Variants in ABCC1 observed in about 807,000 individuals in gnomAD.
The protein encoded by ABCC1 is multidrug resistance-associated protein 1.
ABCC1 carries 83 observed loss-of-function variants against 172.9 expected under a neutral mutation model. The observed-to-expected ratio is 0.48, with a 90% CI of 0.40 to 0.58. The LOEUF is 0.58. Among genes scored for constraint, ABCC1 ranks in the 20% least tolerant of loss-of-function variants. The probability of loss-of-function intolerance (pLI) is 0.00; values close to 1 mark genes in which losing one functional copy is unlikely to be tolerated. For synonymous variants in ABCC1, 937 were observed against 825.2 expected (o/e 1.14, Z -2.32); for missense variants, 1,817 against 2,002.7 (o/e 0.91, Z 1.77).
intron 11 of ABCC1, among the ~76,000 whole-genome samples, chr16:16,054,776 G>A (rs2049580336): frequency 6.6e-6 from 1 of 152,288 alleles, no homozygotes; most frequent in Non-Finnish European, 1.5e-5. Context: ...AATGATAAGA[G>A]TTCTTGTGAT....
intron 2 of ABCC1, among the ~76,000 whole-genome samples, chr16:16,008,304 C>T (rs1179310403): frequency 2.6e-5 from 4 of 152,008 alleles, no homozygotes; most frequent in East Asian, 2.0e-4. Flanking sequence ...AGCTCTTCCC[C>T]TCTTACTGAG....
intron 30 of ABCC1, among the ~76,000 whole-genome samples, chr16:16,139,078 T>C (rs1378170468): frequency 6.6e-6 from 1 of 152,200 alleles, no homozygotes; most frequent in Admixed American, 6.5e-5. Flanking sequence ...TCCCAGACAC[T>C]GGGGACTCTG....
rs533388027 is a variant in ABCC1, at chr16:16,045,851, C to T, written c.1056C>T (p.Phe352=). ...GPQILKLLIK[F]VNDTKAPDWQ... is the part of the protein sequence containing the mutation. Reference sequence around the variant, plus strand: ...TCCTTTGCAGGTTGCTCATCAAGTTCGTGAATGACACGAAGGCCCCAGACT... The same window carrying T: ...TCCTTTGCAGGTTGCTCATCAAGTTTGTGAATGACACGAAGGCCCCAGACT... Residue 352 remains phenylalanine, a synonymous_variant, in exon 9 of 31, where the codon TTC becomes TTT. Transcript: ENST00000399410. The T allele has an allele frequency of 6.0e-5, 97 of 1,614,096 alleles. No individual in the cohort carries two copies. The highest frequency in any genetic ancestry group is 1.0e-4 in the Admixed American group (6 of 60,014).
intron 26 of ABCC1, among the ~76,000 whole-genome samples, chr16:16,126,683 C>T (rs2045452512): frequency 6.6e-6 from 1 of 152,154 alleles, no homozygotes; most frequent in South Asian, 2.1e-4. Flanking sequence ...CTGCGCCTGG[C>T]CTGTTATGTA....
intron 19 of ABCC1, among the ~76,000 whole-genome samples, chr16:16,092,049 C>G (rs1176199537): frequency 2.0e-5 from 3 of 152,144 alleles, no homozygotes; most frequent in Non-Finnish European, 2.9e-5. Flanking sequence ...ACCAGCCTGG[C>G]CAACATGATG....
chr16:15,975,872 A>G (rs1004805582), intron 1 of ABCC1, among the ~76,000 whole-genome samples: 3 of 152,068 alleles, frequency 2.0e-5, no homozygotes, highest in Non-Finnish European at 2.9e-5. Flanking sequence ...TATTTGTTGA[A>G]TGAGTGTTTA....
intron 23 of ABCC1, among the ~76,000 whole-genome samples, chr16:16,121,609 A>G (rs1380014454): frequency 1.3e-5 from 2 of 152,202 alleles, no homozygotes; most frequent in Non-Finnish European, 2.9e-5. Flanking sequence ...CTTGCTAGCC[A>G]TGTGACCTTG....
chr16:16,022,334 C>T (rs562659099), intron 5 of ABCC1, among the ~76,000 whole-genome samples: 6 of 152,192 alleles, frequency 3.9e-5, no homozygotes, highest in African/African-American at 1.2e-4. Context: ...CTGGGGCTGC[C>T]GAGGCTTTTG....
chr16:15,962,144 G>GCT (rs1163739192), intron 1 of ABCC1, among the ~76,000 whole-genome samples: 1 of 152,198 alleles, frequency 6.6e-6, no homozygotes, highest in Non-Finnish European at 1.5e-5. Context: ...ATGTTGCTTG[G>GCT]CTGTGTGTGA....
At chr16:15,955,880 T>A (rs1467083940) in intron 1 of ABCC1, among the ~76,000 whole-genome samples, 3 of 152,212 alleles carry the variant, frequency 2.0e-5, no homozygotes, top group African/African-American at 7.2e-5. Flanking sequence ...CACCTAGAAC[T>A]GTGCCTGGGG....
At chr16:16,048,969 G>A (rs552553962) in intron 10 of ABCC1, among the ~76,000 whole-genome samples, 1 of 149,804 alleles carries the variant, frequency 6.7e-6, no homozygotes, top group East Asian at 1.9e-4. Context: ...GGCAACAAGA[G>A]TGAAACTCCA....
chr16:15,969,469 T>C (rs2046320401), intron 1 of ABCC1, among the ~76,000 whole-genome samples: 1 of 151,166 alleles, frequency 6.6e-6, no homozygotes, highest in Non-Finnish European at 1.5e-5. Context: ...TTTGCCAGGG[T>C]TCGAGTGATT....
chr16:16,021,248 C>T (rs1375520566), intron 5 of ABCC1, among the ~76,000 whole-genome samples: 1 of 151,706 alleles, frequency 6.6e-6, no homozygotes, highest in Non-Finnish European at 1.5e-5. Flanking sequence ...GTATTACCAG[C>T]AAGAAAGAGG....
intron 1 of ABCC1, among the ~76,000 whole-genome samples, chr16:15,997,647 G>A (rs971827058): frequency 1.3e-5 from 2 of 151,972 alleles, no homozygotes; most frequent in Admixed American, 1.3e-4. Flanking sequence ...CCAGGGAATC[G>A]TCCCTTCCTT....
At chr16:15,949,180 T>C (rs1186778859), upstream of ABCC1, among the ~76,000 whole-genome samples, 1 of 152,126 alleles carries the variant, frequency 6.6e-6, no homozygotes, top group African/African-American at 2.4e-5. Flanking sequence ...TCTCTGCACC[T>C]GGGTTTCTTC....
rs375541317 is a variant in ABCC1, at chr16:15,999,836, CTCTTTCTTTCTT to C, written c.49-7953_49-7942del. On this transcript the variant is annotated intron_variant, in intron 1 of 30. Coordinates refer to ENST00000399410, the MANE Select transcript of ABCC1 (RefSeq NM_004996.4). The stretch of plus-strand genomic sequence containing the variant: ...TCTCTCTCTCTCTCTCTCTCTCTGT[CTCTTTCTTTCTT>C]TCTTTCTTTCTTTCTTTCTTTCTTT... Among the ~76,000 whole-genome samples, 7 of 16,850 alleles carry C rather than the reference CTCTTTCTTTCTT, an allele frequency of 4.2e-4. No homozygotes were observed. The South Asian group carries it at 4.9e-3, about 12-fold the overall frequency. The allele number at this position is 16,850 out of a possible 152,430, so 11.1% of individuals were successfully genotyped here.
At chr16:16,105,714 C>CTTT (rs71137912) in intron 20 of ABCC1, among the ~76,000 whole-genome samples, 25 of 130,368 alleles carry the variant, frequency 1.9e-4, no homozygotes, top group Admixed American at 2.4e-4. Flanking sequence ...CTTTTCTTTT[C>CTTT]TTTTTTTTTT....
In ABCC1 at chr16:16,048,197, A is replaced by C; in HGVS notation, c.1274A>C (p.Asn425Thr). Residue 425 changes from asparagine to threonine, a missense_variant, in exon 10 of 31, where the codon AAC (asparagine) becomes ACC (threonine). Physicochemically the swap from Asn to Thr is moderately conservative, Grantham distance 65. Around this residue, in one of 3 missense-constraint regions of ABCC1, gnomAD observed 1,412 missense variants for 1,600.3 expected, o/e 0.88. Transcript: ENST00000399410. ...TCCTCCACGGTCGGGGAGATTGTCA[A>C]CCTCATGTCTGTGGACGCTCAGAGG... The part of the protein sequence containing the change: ...RKSSTVGEIV[N>T]LMSVDAQRFM... The C allele has an allele frequency of 6.2e-7, 1 of 1,614,160 alleles. No individual in the cohort carries two copies. The highest frequency in any genetic ancestry group is 8.5e-7 in the Non-Finnish European group (1 of 1,180,024).
At chr16:16,015,626 G>A (rs45620731) in intron 4 of ABCC1, among the ~76,000 whole-genome samples, 1 of 152,346 alleles carries the variant, frequency 6.6e-6, no homozygotes, top group African/African-American at 2.4e-5. Context: ...GACTGTGTAT[G>A]TGTCACGAAT....
Sources: gnomAD v4.1 joint callset for allele counts (sites outside exome capture counted in the v4.1 genomes callset) on GRCh38, gnomAD v4.1.1 for gene constraint, gnomAD v4.1.1 regional missense constraint, MANE v1.5 for transcripts, NCBI Gene and HGNC (gene_info 2026-07-23, HGNC 2026-07-21) for gene names.